AFF3: variants seen among roughly 807,000 people sequenced by gnomAD.
AFF3 encodes the protein AF4/FMR2 family member 3.
A neutral mutation model predicts 129.7 loss-of-function variants in AFF3; 32 were observed. That is an observed-to-expected ratio of 0.25 (90% CI 0.19 to 0.33). The LOEUF (loss-of-function observed/expected upper bound fraction) is 0.33. Among genes scored for constraint, AFF3 ranks in the 10% least tolerant of loss-of-function variants. The pLI is 1.00. For synonymous variants in AFF3, 644 were observed against 635.4 expected, an observed-to-expected ratio of 1.01 and a Z score of -0.20; for missense variants, 1,373 against 1,592.0, an observed-to-expected ratio of 0.86 and a Z score of 2.34.
intron 7 of AFF3, among the ~76,000 whole-genome samples, chr2:99,998,572 G>C (rs938048505): frequency 1.3e-5 from 2 of 152,144 alleles, no homozygotes; most frequent in African/African-American, 4.8e-5. Context: ...TCTATTTTCT[G>C]CTGTTAATCC....
At chr2:99,631,057 G>A in intron 13 of AFF3, 1 of 439,342 alleles carries the variant, frequency 2.3e-6, no homozygotes, top group Non-Finnish European at 4.7e-6. Flanking sequence ...AGGGAGGCAG[G>A]CAGAGCAGAA....
chr2:99,679,344 G>A (rs1674308450), intron 11 of AFF3, among the ~76,000 whole-genome samples: 1 of 152,110 alleles, frequency 6.6e-6, no homozygotes. Context: ...TTAAGTTTAT[G>A]ACCTTATTTT....
intron 6 of AFF3, 42 bp downstream of exon 6, chr2:100,007,106 T>C (rs549823943): frequency 1.2e-6 from 2 of 1,602,136 alleles, no homozygotes; most frequent in African/African-American, 2.7e-5. Flanking sequence ...CTCTGGGTTT[T>C]AGCAGATTTG....
intron 11 of AFF3, among the ~76,000 whole-genome samples, chr2:99,713,649 C>T (rs1401554606): frequency 6.6e-6 from 1 of 151,768 alleles, no homozygotes; most frequent in Non-Finnish European, 1.5e-5. Flanking sequence ...GTGTAGAAGA[C>T]AAAGGGTGGG....
chr2:99,717,557 T>A (rs1369937703), intron 11 of AFF3, among the ~76,000 whole-genome samples: 1 of 152,236 alleles, frequency 6.6e-6, no homozygotes, highest in Admixed American at 6.5e-5. Context: ...CTTTTGTCCA[T>A]TTAAGAAATT....
chr2:100,082,854 G>C (rs1010877545), intron 4 of AFF3, among the ~76,000 whole-genome samples: 1 of 152,164 alleles, frequency 6.6e-6, no homozygotes, highest in Admixed American at 6.5e-5. Flanking sequence ...GCCAAGGCAG[G>C]CAGATCACCT....
chr2:99,931,920 A>C (rs1345809274), intron 7 of AFF3, among the ~76,000 whole-genome samples: 1 of 152,238 alleles, frequency 6.6e-6, no homozygotes, highest in Non-Finnish European at 1.5e-5. Context: ...ACAAAACCCC[A>C]AAACCCAACA....
intron 4 of AFF3, among the ~76,000 whole-genome samples, chr2:100,065,413 G>C (rs1405558806): frequency 2.6e-5 from 4 of 152,090 alleles, no homozygotes; most frequent in African/African-American, 9.7e-5. Context: ...CATTTAAACA[G>C]AAACACAAGT....
chr2:99,881,795 G>A (rs1012486127), intron 7 of AFF3, among the ~76,000 whole-genome samples: 19 of 152,272 alleles, frequency 1.2e-4, no homozygotes, highest in Admixed American at 1.1e-3. Context: ...GCAAACACCA[G>A]TTCAACCATT....
intron 4 of AFF3, among the ~76,000 whole-genome samples, chr2:100,014,359 T>G (rs907095903): frequency 6.6e-6 from 1 of 152,082 alleles, no homozygotes; most frequent in African/African-American, 2.4e-5. Context: ...AGTTATCATG[T>G]TTTGCATGTT....
intron 7 of AFF3, among the ~76,000 whole-genome samples, chr2:99,877,563 T>G (rs17023265): frequency 6.6e-6 from 1 of 152,196 alleles, no homozygotes; most frequent in Non-Finnish European, 1.5e-5. Context: ...CACTGGCACT[T>G]TATTAAAGAC....
chr2:99,997,685 G>A (rs973688235), intron 7 of AFF3, among the ~76,000 whole-genome samples: 5 of 152,096 alleles, frequency 3.3e-5, no homozygotes, highest in Non-Finnish European at 5.9e-5. Context: ...CTTGCAAGAC[G>A]TGGCCTCCCC....
chr2:99,989,089 GA>G lies in AFF3; in HGVS notation c.873+17542del, dbSNP rs1469445577. ...AAGGTTCTAGCTTAGGAGCCAGGTG[GA>G]AGACTCTCCTTTAACTAACAGAATT... On this transcript the variant is annotated intron_variant, in intron 7 of 24. Coordinates refer to ENST00000672756, the MANE Select transcript of AFF3 (RefSeq NM_001386135.1). 4.6e-5 allele frequency among the ~76,000 whole-genome samples: 7 copies of G among 152,312 alleles called. No homozygotes were observed. In the East Asian group the frequency reaches 1.4e-3, roughly 29 times the overall value.
chr2:99,672,126 T>C lies in AFF3; in HGVS notation c.1143+412A>G, dbSNP rs552661791. Among the ~76,000 whole-genome samples the C allele has an allele frequency of 2.0e-5, 3 of 151,078 alleles. No homozygotes were observed. In the Admixed American group the frequency reaches 2.0e-4, roughly 10 times the overall value. ...TTAATGTTACGGATTGCCTGTTGCA[T>C]GCTGATGAGGTTAAGGTCATATGTT... is the stretch of plus-strand genomic sequence containing the variant. On this transcript the variant is annotated intron_variant, in intron 12 of 24. Coordinates refer to ENST00000672756, the MANE Select transcript of AFF3 (RefSeq NM_001386135.1).
intron 8 of AFF3, among the ~76,000 whole-genome samples, chr2:99,764,453 A>G (rs1442939769): frequency 1.3e-5 from 2 of 152,278 alleles, no homozygotes; most frequent in Middle Eastern, 3.4e-3. Flanking sequence ...CTTTTGGGGC[A>G]GAGGATGAGA....
chr2:99,934,890 C>T (rs368683613), intron 7 of AFF3, among the ~76,000 whole-genome samples: 2 of 152,350 alleles, frequency 1.3e-5, no homozygotes, highest in African/African-American at 4.8e-5. Flanking sequence ...TCAGGAGAAG[C>T]TGTGGCTGCT....
At chr2:99,997,654 CCTTA>C (rs1414578134) in intron 7 of AFF3, among the ~76,000 whole-genome samples, 1 of 152,174 alleles carries the variant, frequency 6.6e-6, no homozygotes, top group Non-Finnish European at 1.5e-5. Flanking sequence ...AAGCCACAGT[CCTTA>C]CTGAGGCTTG....
At chr2:99,662,877 T>C (rs1233982148) in intron 12 of AFF3, among the ~76,000 whole-genome samples, 1 of 152,178 alleles carries the variant, frequency 6.6e-6, no homozygotes, top group Non-Finnish European at 1.5e-5. Flanking sequence ...GGATGAACCC[T>C]GGCCACAAAT....
chr2:100,104,216 C>T (rs1212047206), intron 4 of AFF3, among the ~76,000 whole-genome samples, 186 bp downstream of exon 4: 5 of 151,734 alleles, frequency 3.3e-5, no homozygotes, highest in Non-Finnish European at 7.4e-5. Flanking sequence ...GGGAAACAGA[C>T]GGGCAGGCGG....
Sources: gnomAD v4.1 joint callset for allele counts (sites outside exome capture counted in the v4.1 genomes callset) on GRCh38, gnomAD v4.1.1 for gene constraint, MANE v1.5 for transcripts, NCBI Gene and HGNC (gene_info 2026-07-23, HGNC 2026-07-21) for gene names.